Variants in NKD1 observed in about 807,000 individuals in gnomAD.
NKD1 encodes NKD inhibitor of Wnt signaling pathway 1, also known as protein naked cuticle homolog 1.
In NKD1, 21 loss-of-function variants were observed where a neutral mutation model predicts 56.0. The observed-to-expected ratio is 0.38, with a 90% CI of 0.27 to 0.54. The LOEUF is 0.54. Ranked by LOEUF, NKD1 falls within the 20% of genes least tolerant of loss-of-function variation. The pLI is 0.82. For missense variants in NKD1, 578 were observed against 642.7 expected (o/e 0.90, Z 1.09); for synonymous variants, 263 against 265.7 (o/e 0.99, Z 0.10).
In NKD1 at chr16:50,645,480, A is replaced by T. The variant is rs2151284245; in HGVS notation, c.*11699A>T. On this transcript the variant is annotated 3_prime_UTR_variant, in exon 10 of 10. Coordinates refer to ENST00000268459, the MANE Select transcript of NKD1 (RefSeq NM_033119.5). ...GGTGCAGGCCTGTATGGCCGGGTAC[A>T]GCTGGCAACGAGGAGGCCCGGTATG... The T allele has an allele frequency of 6.6e-6, 1 of 152,536 alleles. No individual in the cohort carries two copies. The highest frequency in any genetic ancestry group is 1.9e-4 in the East Asian group (1 of 5,182). The allele number at this position is 152,536 out of a possible 1,614,324, so 9.4% of individuals were successfully genotyped here. A position where few individuals can be genotyped will look rare whatever the true frequency, so the allele number is the denominator to read the frequency against.
chr16:50,556,066 CGCAA>C (rs970183469), intron 3 of NKD1: 1 of 151,500 alleles, frequency 6.6e-6, no homozygotes, highest in African/African-American at 2.4e-5. Flanking sequence ...CTGGAAGGAA[CGCAA>C]GCGAGAGTTG....
chr16:50,618,044 C>CA (rs1353365615), intron 4 of NKD1, among the ~76,000 whole-genome samples: 1 of 152,140 alleles, frequency 6.6e-6, no homozygotes, highest in East Asian at 1.9e-4. Context: ...ACTTTATTTA[C>CA]AAAAACAGGA....
intron 3 of NKD1, among the ~76,000 whole-genome samples, chr16:50,594,786 G>A (rs1475600715): frequency 3.4e-5 from 5 of 149,116 alleles, no homozygotes; most frequent in African/African-American, 1.2e-4. Flanking sequence ...CTGGTGGGGA[G>A]CACATAGGGA....
Position 50,633,536 on chromosome 16 carries a change from C to G in NKD1, c.1168C>G (p.Leu390Val). 1 of 1,610,948 alleles carries G rather than the reference C, an allele frequency of 6.2e-7. No individual in the cohort carries two copies. The highest frequency in any genetic ancestry group is 8.5e-7 in the Non-Finnish European group (1 of 1,179,134). Residue 390 changes from leucine to valine, a missense_variant, in exon 10 of 10, where the codon CTC becomes GTC. By Grantham distance (32) the Leu-to-Val change is conservative. Coordinates refer to ENST00000268459, the MANE Select transcript of NKD1 (RefSeq NM_033119.5). This position sits in a 1 kb window ranked among gnomAD's most constrained non-coding sequence, Gnocchi z 4.9. ...PSAHLAASPA[L>V]LPSLAPLGHK... ...CGCCCACCTGGCTGCCAGCCCGGCC[C>G]TCCTCCCCTCCCTAGCCCCCCTCGG...
At chr16:50,566,332 C>T (rs1960758275) in intron 3 of NKD1, 1 of 242,850 alleles carries the variant, frequency 4.1e-6, no homozygotes, top group African/African-American at 2.3e-5. Flanking sequence ...TTGGCTTCAT[C>T]CTTAGGCACA....
In NKD1 at chr16:50,643,665, C is replaced by G. The variant is rs1962623667; in HGVS notation, c.*9884C>G. ...AGTTAGCGCATACTGAACTACTGAT[C>G]CTAGGGGAAATACAGGGTTAGGTTC... On this transcript the variant is annotated 3_prime_UTR_variant, in exon 10 of 10. Coordinates refer to ENST00000268459, the MANE Select transcript of NKD1 (RefSeq NM_033119.5). 3 of 152,208 alleles carry G rather than the reference C, an allele frequency of 2.0e-5. No individual in the cohort carries two copies. The South Asian group carries it at 6.2e-4, about 32-fold the overall frequency. The allele number at this position is 152,208 out of a possible 1,614,324, so 9.4% of individuals were successfully genotyped here.
intron 3 of NKD1, among the ~76,000 whole-genome samples, chr16:50,561,695 C>T (rs922765016): frequency 3.3e-5 from 5 of 152,162 alleles, no homozygotes; most frequent in Non-Finnish European, 7.3e-5. Flanking sequence ...GAAGCAAAAA[C>T]GGCCAGGACT....
chr16:50,611,046 G>A (rs1961835422), intron 4 of NKD1, among the ~76,000 whole-genome samples: 1 of 152,176 alleles, frequency 6.6e-6, no homozygotes, highest in Non-Finnish European at 1.5e-5. Context: ...CAGCCTCCCT[G>A]CCCCCACAGC....
At position 50,587,786 on chromosome 16, in the gene NKD1, G is replaced by A. The variant is rs149782038; in HGVS notation, c.193-20508G>A. On this transcript the variant is annotated intron_variant, in intron 3 of 9. Coordinates refer to ENST00000268459, the MANE Select transcript of NKD1 (RefSeq NM_033119.5). ...CTGGGCAGCACTACAGGAGGTGAGC[G>A]TCTGAGCTCTGCCTCCTGTCAAAAT... is the stretch of plus-strand genomic sequence containing the variant. Among the ~76,000 whole-genome samples the A allele has an allele frequency of 1.3e-4, 20 of 152,326 alleles. No individual in the cohort carries two copies. The East Asian group carries it at 2.3e-3, about 18-fold the overall frequency.
intron 5 of NKD1, among the ~76,000 whole-genome samples, chr16:50,624,961 T>C (rs1209564899): frequency 6.6e-6 from 1 of 152,114 alleles, no homozygotes; most frequent in Non-Finnish European, 1.5e-5. Flanking sequence ...AGAGAGGCTG[T>C]CATTTTCCAT....
At chr16:50,571,434 C>T (rs577407127) in intron 3 of NKD1, 1 of 973,870 alleles carries the variant, frequency 1.0e-6, no homozygotes, top group Admixed American at 6.1e-5. Flanking sequence ...GTTTCAAGTG[C>T]TCCGAAGACC....
In NKD1 at chr16:50,633,098, T is replaced by C; in HGVS notation, c.824-94T>C. 1 of 1,204,846 alleles carries C rather than the reference T, an allele frequency of 8.3e-7. No homozygotes were observed. The allele number at this position is 1,204,846 out of a possible 1,614,324, so 74.6% of individuals were successfully genotyped here. A position where few individuals can be genotyped will look rare whatever the true frequency, so the allele number is the denominator to read the frequency against. ...AGGGCATTGGGGGGTAGCTCTGGTT[T>C]TGGAGAACTGGGGGCGGGGGTGATG... On this transcript the variant is annotated intron_variant, in intron 9 of 9. Coordinates refer to ENST00000268459, the MANE Select transcript of NKD1 (RefSeq NM_033119.5). The surrounding 1 kb of genome is among the most constrained non-coding windows in gnomAD (Gnocchi z 4.9).
chr16:50,626,817 T>C (rs775328219), intron 6 of NKD1, among the ~76,000 whole-genome samples: 6 of 152,198 alleles, frequency 3.9e-5, no homozygotes, highest in African/African-American at 1.2e-4. Flanking sequence ...TGAGGTTACA[T>C]GCACCTGCGC....
In NKD1 at chr16:50,639,013, G is replaced by A. The variant is rs1218887958; in HGVS notation, c.*5232G>A. On this transcript the variant is annotated 3_prime_UTR_variant, in exon 10 of 10. Coordinates refer to ENST00000268459, the MANE Select transcript of NKD1 (RefSeq NM_033119.5). ...TTGACCAGCCTGTTGGCAATGGGTC[G>A]GGGAGGCAGAGGGGATGCTCACACC... 1 of 152,258 alleles carries A rather than the reference G, an allele frequency of 6.6e-6. No homozygotes were observed. Among genetic ancestry groups the A allele is most frequent in the Non-Finnish European group, 1.5e-5 (1 of 68,112 alleles). The allele number at this position is 152,258 out of a possible 1,614,324, so 9.4% of individuals were successfully genotyped here.
rs1473897746 is a variant in NKD1 at position 50,642,106 on chromosome 16, C to T, written c.*8325C>T. On this transcript the variant is annotated 3_prime_UTR_variant, in exon 10 of 10. Transcript: ENST00000268459. ...CAAGAAATGGGAAAGGAGTTTGTTA[C>T]ATATCAGGCTTCCTGGAGGAATGCC... 6.6e-6 allele frequency: 1 copy of T among 152,232 alleles called. No individual in the cohort carries two copies. The highest frequency in any genetic ancestry group is 1.5e-5 in the Non-Finnish European group (1 of 68,054). The allele number at this position is 152,232 out of a possible 1,614,324, so 9.4% of individuals were successfully genotyped here.
chr16:50,605,524 A>G (rs1030897976), intron 3 of NKD1, among the ~76,000 whole-genome samples: 11 of 152,182 alleles, frequency 7.2e-5, no homozygotes, highest in Admixed American at 2.0e-4. Context: ...ATAGATAGAA[A>G]ATATTTGGAA....
intron 3 of NKD1, chr16:50,574,257 C>A (rs1338868286): frequency 1.7e-5 from 17 of 985,256 alleles, no homozygotes; most frequent in Non-Finnish European, 2.0e-5. Context: ...CTTGCCCAAC[C>A]TCCTAGGTAC....
At chr16:50,597,999 C>T (rs573788659) in intron 3 of NKD1, among the ~76,000 whole-genome samples, 10 of 152,202 alleles carry the variant, frequency 6.6e-5, no homozygotes, top group Non-Finnish European at 1.3e-4. Context: ...GGGAGGAGGG[C>T]GCTCCGGGTG....
At chr16:50,609,697 A>G (rs529000170) in intron 4 of NKD1, among the ~76,000 whole-genome samples, 97 of 152,352 alleles carry the variant, frequency 6.4e-4, no homozygotes, top group Non-Finnish European at 1.1e-3. Flanking sequence ...GGTGGCTTGC[A>G]TGAACACTGC....
Sources: gnomAD v4.1 joint callset for allele counts (sites outside exome capture counted in the v4.1 genomes callset) on GRCh38, gnomAD v4.1.1 for gene constraint, Gnocchi (gnomAD v3.1) non-coding constraint, MANE v1.5 for transcripts, NCBI Gene and HGNC (gene_info 2026-07-23, HGNC 2026-07-21) for gene names.